The following ADGRF5 variants were observed in gnomAD, a reference collection of about 807,000 sequenced individuals.
ADGRF5 encodes G-protein coupled receptor 116.
ADGRF5 carries 75 observed loss-of-function variants against 132.3 expected under a neutral mutation model. The ratio of observed to expected loss-of-function variants is 0.57; its 90% CI spans 0.47 to 0.69. ADGRF5 has a LOEUF of 0.69. Among genes scored for constraint, ADGRF5 ranks in the 30% least tolerant of loss-of-function variants. The probability of loss-of-function intolerance (pLI) is 0.00; values close to 1 mark genes in which losing one functional copy is unlikely to be tolerated. For synonymous variants in ADGRF5, 629 were observed against 597.6 expected (o/e 1.05, Z -0.77); for missense variants, 1,516 against 1,630.6 (o/e 0.93, Z 1.21).
intron 1 of ADGRF5, among the ~76,000 whole-genome samples, chr6:46,952,726 T>G (rs1035813694): frequency 1.3e-5 from 2 of 152,176 alleles, no homozygotes; most frequent in Non-Finnish European, 2.9e-5. Flanking sequence ...TTAACAAAAT[T>G]GATTGAGCAG....
At chr6:46,908,493 C>G (rs1052885519) in intron 1 of ADGRF5, among the ~76,000 whole-genome samples, 1 of 152,098 alleles carries the variant, frequency 6.6e-6, no homozygotes, top group African/African-American at 2.4e-5. Context: ...AATCTGATAA[C>G]CAAGGAAGAA....
upstream of ADGRF5, among the ~76,000 whole-genome samples, chr6:46,923,711 G>A (rs1383296794): frequency 1.3e-5 from 2 of 152,010 alleles, no homozygotes; most frequent in African/African-American, 2.4e-5. Flanking sequence ...AATTCTTCTC[G>A]CCCACAGTTC....
chr6:46,891,218 T>C (rs565488414), intron 3 of ADGRF5, among the ~76,000 whole-genome samples: 1 of 152,256 alleles, frequency 6.6e-6, no homozygotes, highest in East Asian at 1.9e-4. Flanking sequence ...GTGATGATAG[T>C]ATGGCATTGC....
intron 16 of ADGRF5, among the ~76,000 whole-genome samples, chr6:46,859,786 G>A (rs549690238): frequency 7.4e-5 from 11 of 148,572 alleles, no homozygotes; most frequent in African/African-American, 2.5e-4. Context: ...TACTCTCTAA[G>A]GCCAATTCAG....
At position 46,879,774 on chromosome 6, in the gene ADGRF5, C is replaced by G. The variant is rs763725345; in HGVS notation, c.1036+44G>C. The G allele has an allele frequency of 2.3e-6, 3 of 1,278,786 alleles. No homozygotes were observed. In the South Asian group the frequency reaches 3.6e-5, roughly 15 times the overall value. The allele number at this position is 1,278,786 out of a possible 1,614,324, so 79.2% of individuals were successfully genotyped here. On this transcript the variant is annotated intron_variant, in intron 9 of 20. Coordinates refer to ENST00000283296, the MANE Select transcript of ADGRF5 (RefSeq NM_001098518.2). Reference sequence around the variant, plus strand: ...TATTACATATTTGCTTCTTTATAAGCTCTTCATTCCATTCCTCACACAAGT... The same window carrying G: ...TATTACATATTTGCTTCTTTATAAGGTCTTCATTCCATTCCTCACACAAGT...
Position 46,852,583 on chromosome 6 carries a change from C to A in ADGRF5, c.*1409G>T, listed in dbSNP as rs775483915. On this transcript the variant is annotated 3_prime_UTR_variant, in exon 21 of 21. Transcript: ENST00000283296. Reference sequence around the variant, plus strand: ...CTGTATCAATAGTACATGGTTAACTCTAATATGCGTGCAATTTTCATAAAT... The same window carrying A: ...CTGTATCAATAGTACATGGTTAACTATAATATGCGTGCAATTTTCATAAAT... The A allele has an allele frequency of 6.6e-6, 1 of 152,082 alleles. No individual in the cohort carries two copies. Among genetic ancestry groups the A allele is most frequent in the African/African-American group, 2.4e-5 (1 of 41,386 alleles). The allele number at this position is 152,082 out of a possible 1,614,324, so 9.4% of individuals were successfully genotyped here.
chr6:46,871,640 C>A (rs904177940), intron 11 of ADGRF5, among the ~76,000 whole-genome samples: 1 of 152,052 alleles, frequency 6.6e-6, no homozygotes, highest in Non-Finnish European at 1.5e-5. Flanking sequence ...CACAACCATC[C>A]CCAATTGTTA....
intron 1 of ADGRF5, among the ~76,000 whole-genome samples, chr6:46,916,732 T>C (rs1249816573): frequency 6.6e-6 from 1 of 152,250 alleles, no homozygotes; most frequent in Non-Finnish European, 1.5e-5. Context: ...ATACTTTAAA[T>C]GTTTGCAAAT....
At chr6:46,900,670 T>C (rs192644774) in intron 2 of ADGRF5, among the ~76,000 whole-genome samples, 25 of 152,352 alleles carry the variant, frequency 1.6e-4, no homozygotes, top group Non-Finnish European at 2.8e-4. Context: ...CTGTGCCACT[T>C]ACTCTGTGGC....
At chr6:46,895,428 T>C (rs557118254) in intron 3 of ADGRF5, among the ~76,000 whole-genome samples, 9 of 151,486 alleles carry the variant, frequency 5.9e-5, no homozygotes, top group African/African-American at 2.2e-4. Flanking sequence ...GCTGCAATCA[T>C]GAAAACCCAA....
intron 1 of ADGRF5, among the ~76,000 whole-genome samples, chr6:46,928,128 C>T (rs1777348829): frequency 1.3e-5 from 2 of 152,100 alleles, no homozygotes; most frequent in African/African-American, 4.8e-5. Flanking sequence ...GAAGCATAAC[C>T]CAAATGCCTG....
At position 46,882,055 on chromosome 6, in the gene ADGRF5, C is replaced by G; in HGVS notation, c.665G>C (p.Gly222Ala). 1.9e-6 allele frequency: 3 copies of G among 1,606,190 alleles called. No individual in the cohort carries two copies. The highest frequency in any genetic ancestry group is 1.3e-5 in the African/African-American group (1 of 74,800). ...LPGFKGVTVTGFKSGSVVVTY... is the reference protein window; with the variant it reads ...LPGFKGVTVTAFKSGSVVVTY... ...CAAATTAAAGTATTCTTACTTGAAC[C>G]CTGTCACAGTCACGCCCTTGAAGCC... is the stretch of plus-strand genomic sequence containing the variant. The change falls in exon 7 of 21, where the codon GGG becomes GCG. Residue 222 changes from glycine to alanine, a missense_variant. By Grantham distance (60) the Gly-to-Ala change is moderately conservative (BLOSUM62 0). Around this residue, in one of 2 missense-constraint regions of ADGRF5, gnomAD observed 945 missense variants for 929.4 expected, o/e 1.02. Coordinates refer to ENST00000283296, the MANE Select transcript of ADGRF5 (RefSeq NM_001098518.2).
intron 3 of ADGRF5, among the ~76,000 whole-genome samples, chr6:46,897,939 C>T (rs534532568): frequency 2.8e-4 from 43 of 152,248 alleles, no homozygotes; most frequent in Middle Eastern, 3.4e-3. Context: ...GTAAAAGTAC[C>T]AAGGCCAATC....
chr6:46,944,311 CAAG>C (rs1001871927), intron 1 of ADGRF5, among the ~76,000 whole-genome samples: 2 of 152,184 alleles, frequency 1.3e-5, no homozygotes, highest in African/African-American at 2.4e-5. Context: ...ACCACTGATT[CAAG>C]AAGAAGTGGA....
intron 1 of ADGRF5, among the ~76,000 whole-genome samples, chr6:46,915,072 T>C (rs1440828467): frequency 1.3e-5 from 2 of 151,912 alleles, no homozygotes; most frequent in Non-Finnish European, 2.9e-5. Flanking sequence ...GCCAGGCTGG[T>C]CTTGAACTCC....
intron 20 of ADGRF5, 87 bp from the exon 21 acceptor site, chr6:46,854,158 A>G: frequency 4.3e-6 from 4 of 920,900 alleles, no homozygotes; most frequent in Non-Finnish European, 6.5e-6. Flanking sequence ...CCAGGGGAGC[A>G]GTGGTCCAGG....
At chr6:46,948,489 T>C (rs916983284) in intron 1 of ADGRF5, among the ~76,000 whole-genome samples, 3 of 151,016 alleles carry the variant, frequency 2.0e-5, no homozygotes, top group Non-Finnish European at 4.4e-5. Flanking sequence ...TGTGTGTGTG[T>C]GTGTGTGTGT....
intron 1 of ADGRF5, among the ~76,000 whole-genome samples, chr6:46,939,008 C>A (rs1777955846): frequency 6.6e-6 from 1 of 151,864 alleles, no homozygotes. Context: ...GTAGCTGGGA[C>A]TACAGGTGAG....
chr6:46,948,995 G>A (rs576156722), intron 1 of ADGRF5, among the ~76,000 whole-genome samples: 1 of 152,198 alleles, frequency 6.6e-6, no homozygotes, highest in South Asian at 2.1e-4. Flanking sequence ...GCTTTGCTAT[G>A]CTGGGTAGGC....
Sources: gnomAD v4.1 joint callset for allele counts (sites outside exome capture counted in the v4.1 genomes callset) on GRCh38, gnomAD v4.1.1 for gene constraint, gnomAD v4.1.1 regional missense constraint, MANE v1.5 for transcripts, NCBI Gene and HGNC (gene_info 2026-07-23, HGNC 2026-07-21) for gene names.